Variants in PARVA observed in about 807,000 individuals in gnomAD.
PARVA encodes alpha-parvin.
A neutral mutation model predicts 52.6 loss-of-function variants in PARVA; 25 were observed. The ratio of observed to expected loss-of-function variants is 0.48; its 90% CI spans 0.35 to 0.66. PARVA has a LOEUF of 0.66. Ranked by LOEUF, PARVA falls within the 30% of genes least tolerant of loss-of-function variation. The pLI is 0.01. For synonymous variants in PARVA, 185 were observed against 179.1 expected (o/e 1.03, Z -0.26); for missense variants, 373 against 450.9 (o/e 0.83, Z 1.56).
chr11:12,497,279 G>C (rs1941310309), intron 5 of PARVA, among the ~76,000 whole-genome samples: 1 of 152,064 alleles, frequency 6.6e-6, no homozygotes, highest in Non-Finnish European at 1.5e-5. Flanking sequence ...TCTAGCAGTA[G>C]CAACTGGATT....
chr11:12,463,510 G>A (rs1940811866), intron 1 of PARVA, among the ~76,000 whole-genome samples: 1 of 152,134 alleles, frequency 6.6e-6, no homozygotes, highest in Non-Finnish European at 1.5e-5. Context: ...GAGGTAAAGT[G>A]CCATTTTCAT....
chr11:12,412,770 C>G lies in PARVA; in HGVS notation c.136+34987C>G, dbSNP rs189895187. Among the ~76,000 whole-genome samples the G allele has an allele frequency of 7.2e-5, 11 of 152,330 alleles. No homozygotes were observed. In the East Asian group the frequency reaches 2.1e-3, roughly 29 times the overall value. The stretch of plus-strand genomic sequence containing the variant: ...AAAATGGTCTTGTTATATGCGCAAG[C>G]AGACCTTTACTTCATTCAGACTTCC... On this transcript the variant is annotated intron_variant, in intron 1 of 12. Transcript: ENST00000334956.
At chr11:12,394,220 C>A (rs1241866620) in intron 1 of PARVA, among the ~76,000 whole-genome samples, 2 of 152,100 alleles carry the variant, frequency 1.3e-5, no homozygotes, top group African/African-American at 4.8e-5. Flanking sequence ...GGAATGCCCC[C>A]ACACAACTAC....
At chr11:12,495,656 TA>T (rs10716784) in intron 4 of PARVA, among the ~76,000 whole-genome samples, 82,924 of 151,560 alleles carry the variant, frequency 0.55, 23,101 homozygotes, top group Middle Eastern at 0.61. Flanking sequence ...TGTCATTGCA[TA>T]AAAAAAAACT....
At chr11:12,452,201 G>T (rs1209337050) in intron 1 of PARVA, among the ~76,000 whole-genome samples, 2 of 152,066 alleles carry the variant, frequency 1.3e-5, no homozygotes, top group South Asian at 4.1e-4. Flanking sequence ...TCCAGGCAGG[G>T]CTTAGCATTA....
At chr11:12,390,214 C>G (rs1429303678) in intron 1 of PARVA, among the ~76,000 whole-genome samples, 3 of 152,192 alleles carry the variant, frequency 2.0e-5, no homozygotes, top group Non-Finnish European at 4.4e-5. Context: ...CATTGACTTT[C>G]CAATTCAAAA....
chr11:12,516,449 G>A (rs1428106267), intron 10 of PARVA, among the ~76,000 whole-genome samples: 2 of 151,682 alleles, frequency 1.3e-5, no homozygotes, highest in Non-Finnish European at 2.9e-5. Context: ...GCCTCCACAA[G>A]CCTGTCCTGA....
At chr11:12,506,483 T>C (rs1171431471) in intron 6 of PARVA, among the ~76,000 whole-genome samples, 1 of 152,204 alleles carries the variant, frequency 6.6e-6, no homozygotes, top group Non-Finnish European at 1.5e-5. Flanking sequence ...AAAATCTGCC[T>C]GCTGGAATTA....
At chr11:12,473,702 G>A (rs771367835) in intron 1 of PARVA, 43 bp from the exon 2 acceptor site, 14 of 1,448,302 alleles carry the variant, frequency 9.7e-6, no homozygotes, top group East Asian at 4.9e-5. Context: ...ACCCCCTGCC[G>A]TCCGTCAGCT....
intron 4 of PARVA, among the ~76,000 whole-genome samples, chr11:12,489,123 G>A (rs1200834264): frequency 2.7e-5 from 4 of 150,612 alleles, no homozygotes; most frequent in South Asian, 4.2e-4. Flanking sequence ...CCAGGAGTTC[G>A]AGACTAGCAT....
Position 12,527,951 on chromosome 11 carries a change from C to T in PARVA, c.*26C>T, listed in dbSNP as rs1941724606. On this transcript the variant is annotated 3_prime_UTR_variant, in exon 13 of 13. Coordinates refer to ENST00000334956, the MANE Select transcript of PARVA (RefSeq NM_018222.5). The stretch of plus-strand genomic sequence containing the variant: ...GGGGCTGCCCTGGGCCCACCACTGC[C>T]CAAGAGTTCTTGCTGTTGGCGTACT... 6.4e-7 allele frequency: 1 copy of T among 1,559,318 alleles called. No homozygotes were observed.
intron 1 of PARVA, among the ~76,000 whole-genome samples, chr11:12,432,226 G>T (rs1268467101): frequency 1.3e-5 from 2 of 152,010 alleles, no homozygotes; most frequent in Non-Finnish European, 2.9e-5. Context: ...ACATGTTAAA[G>T]AATTTATATT....
chr11:12,406,752 G>T (rs930947723), intron 1 of PARVA, among the ~76,000 whole-genome samples: 6 of 135,010 alleles, frequency 4.4e-5, no homozygotes, highest in African/African-American at 1.7e-4. Flanking sequence ...CTCACTGCAA[G>T]CTCCGCCTCC....
chr11:12,414,927 C>T (rs531551113), intron 1 of PARVA, among the ~76,000 whole-genome samples: 1 of 152,230 alleles, frequency 6.6e-6, no homozygotes, highest in African/African-American at 2.4e-5. Flanking sequence ...GAGGTGAAGA[C>T]ATCTTTCCTC....
At chr11:12,478,131 T>TGAATGAATTGTAGA (rs777800094) in intron 4 of PARVA, 182 bp downstream of exon 4, 2 of 686,596 alleles carry the variant, frequency 2.9e-6, no homozygotes, top group South Asian at 3.0e-5. Flanking sequence ...ATGTTTCATA[T>TGAATGAATTGTAGA]GAATGAATTG....
At chr11:12,395,400 A>G (rs1306057580) in intron 1 of PARVA, among the ~76,000 whole-genome samples, 1 of 152,064 alleles carries the variant, frequency 6.6e-6, no homozygotes, top group East Asian at 1.9e-4. Context: ...CAGCTTTTGA[A>G]CTCTGATTCT....
intron 5 of PARVA, among the ~76,000 whole-genome samples, chr11:12,501,144 A>G (rs1290799137): frequency 1.3e-5 from 2 of 151,428 alleles, no homozygotes; most frequent in African/African-American, 4.9e-5. Context: ...TAGCATAACT[A>G]TTTTCATTTG....
chr11:12,472,514 T>C (rs530222348), intron 1 of PARVA, among the ~76,000 whole-genome samples: 3 of 152,130 alleles, frequency 2.0e-5, no homozygotes, highest in Non-Finnish European at 4.4e-5. Flanking sequence ...GCCATGCAAG[T>C]TGTGTCTCTT....
chr11:12,431,468 T>C (rs539487836), intron 1 of PARVA, among the ~76,000 whole-genome samples: 1 of 152,214 alleles, frequency 6.6e-6, no homozygotes, highest in African/African-American at 2.4e-5. Context: ...CTTAGCAGCT[T>C]AGAATGAGGC....
Sources: gnomAD v4.1 joint callset for allele counts (sites outside exome capture counted in the v4.1 genomes callset) on GRCh38, gnomAD v4.1.1 for gene constraint, MANE v1.5 for transcripts, NCBI Gene and HGNC (gene_info 2026-07-23, HGNC 2026-07-21) for gene names.